ADSS2: variants seen among roughly 807,000 people sequenced by gnomAD.
ADSS2 encodes adenylosuccinate synthase 2.
Under a neutral mutation model 60.0 loss-of-function variants are expected in ADSS2, and 30 were observed. The ratio of observed to expected loss-of-function variants is 0.50; its 90% CI spans 0.37 to 0.68. ADSS2 has a LOEUF of 0.68. Among genes scored for constraint, ADSS2 ranks in the 30% least tolerant of loss-of-function variants. The pLI, the probability that ADSS2 is intolerant of heterozygous loss-of-function variation, is 0.00. For missense variants in ADSS2, 373 were observed against 554.8 expected (o/e 0.67, Z 3.29); for synonymous variants, 187 against 193.1 (o/e 0.97, Z 0.26).
Position 244,451,390 on chromosome 1 carries a change from C to T in ADSS2, c.183+245G>A, listed in dbSNP as rs920523057. ...CCAGGCATCGCGCATCTCTCAAAGG[C>T]TCCCCGCCAGCCCACCTCTTCCTCC... On this transcript the variant is annotated intron_variant, in intron 1 of 12. Coordinates refer to ENST00000366535, the MANE Select transcript of ADSS2 (RefSeq NM_001126.5). This position sits in a 1 kb window ranked among gnomAD's most constrained non-coding sequence, Gnocchi z 6.6. 6.6e-6 allele frequency among the ~76,000 whole-genome samples: 1 copy of T among 152,216 alleles called. No individual in the cohort carries two copies. Among genetic ancestry groups the T allele is most frequent in the Non-Finnish European group, 1.5e-5 (1 of 68,030 alleles).
rs770510850 is a variant in ADSS2, at chr1:244,451,614, T to C, written c.183+21A>G. 1.0e-5 allele frequency: 16 copies of C among 1,596,678 alleles called. No individual in the cohort carries two copies. The highest frequency in any genetic ancestry group is 2.3e-5 in the East Asian group (1 of 44,234). On this transcript the variant is annotated intron_variant, in intron 1 of 12. Coordinates refer to ENST00000366535, the MANE Select transcript of ADSS2 (RefSeq NM_001126.5). The surrounding 1 kb of genome is among the most constrained non-coding windows in gnomAD (Gnocchi z 6.6). ...CCGAGCTCCCGGGCCCGGCTTCCCATGAGAGGCCCCGTCGCCTCACCTGGC... is the reference window on the plus strand; with the variant it reads ...CCGAGCTCCCGGGCCCGGCTTCCCACGAGAGGCCCCGTCGCCTCACCTGGC...
At chr1:244,414,296 G>A (rs1333444819) in intron 11 of ADSS2, among the ~76,000 whole-genome samples, 1 of 152,014 alleles carries the variant, frequency 6.6e-6, no homozygotes, top group Non-Finnish European at 1.5e-5. Context: ...TAGACTAACA[G>A]AAAAAAAGTA....
In ADSS2 at chr1:244,447,792, T is replaced by A. The variant is rs146589122; in HGVS notation, c.183+3843A>T. On this transcript the variant is annotated intron_variant, in intron 1 of 12. Transcript: ENST00000366535. ...CAGTCAATTAAATTGTCCAGAGAGA[T>A]GTTAAAACAATTACAAGAAAGGGTT... 1.7e-3 allele frequency among the ~76,000 whole-genome samples: 262 copies of A among 152,288 alleles called. 1 individual carries two copies. The highest frequency in any genetic ancestry group is 5.3e-3 in the African/African-American group (222 of 41,560).
At chr1:244,427,328 CA>C (rs1438248748) in intron 4 of ADSS2, among the ~76,000 whole-genome samples, 1 of 151,942 alleles carries the variant, frequency 6.6e-6, no homozygotes, top group Admixed American at 6.6e-5. Context: ...GAGCAACTAC[CA>C]AAATTCATAA....
In ADSS2 at chr1:244,451,412, C is replaced by T. The variant is rs1665591649; in HGVS notation, c.183+223G>A. ...AGGCTCCCCGCCAGCCCACCTCTTC[C>T]TCCAGGGCCACCCCAAGTTTCACCC... On this transcript the variant is annotated intron_variant, in intron 1 of 12. Transcript: ENST00000366535. The surrounding 1 kb of genome is among the most constrained non-coding windows in gnomAD (Gnocchi z 6.6). 6.6e-6 allele frequency among the ~76,000 whole-genome samples: 1 copy of T among 152,208 alleles called. No individual in the cohort carries two copies. The highest frequency in any genetic ancestry group is 1.5e-5 in the Non-Finnish European group (1 of 68,036).
At chr1:244,448,746 G>C (rs918524684) in intron 1 of ADSS2, among the ~76,000 whole-genome samples, 4 of 152,144 alleles carry the variant, frequency 2.6e-5, no homozygotes, top group Non-Finnish European at 4.4e-5. Flanking sequence ...TGCCAGAAAG[G>C]GACTTTCTTG....
In ADSS2 at chr1:244,412,294, G is replaced by A. The variant is rs1420293134; in HGVS notation, c.1169-858C>T. Among the ~76,000 whole-genome samples the A allele has an allele frequency of 5.3e-5, 8 of 152,200 alleles. No homozygotes were observed. In the South Asian group the frequency reaches 1.4e-3, roughly 28 times the overall value. ...CTCCCACTCCCTCACAGATGTTGTT[G>A]CTCAGTGCACTTATGAGCTAACCCG... On this transcript the variant is annotated intron_variant, in intron 11 of 12. Coordinates refer to ENST00000366535, the MANE Select transcript of ADSS2 (RefSeq NM_001126.5).
In ADSS2 at chr1:244,416,131, A is replaced by G. The variant is rs1181949644; in HGVS notation, c.1071-53T>C. ...AAAGAGCAGACTCTTAAAGCCTCTA[A>G]TATCTAATTTGATTAATGCAGGAGT... On this transcript the variant is annotated intron_variant, in intron 10 of 12. Transcript: ENST00000366535. 5.6e-6 allele frequency: 7 copies of G among 1,251,106 alleles called. No homozygotes were observed. In the East Asian group the frequency reaches 1.2e-4, roughly 21 times the overall value. 77.5% of individuals were successfully genotyped at this position (1,251,106 alleles called of 1,614,324 possible).
chr1:244,435,988 G>A (rs1665091472), intron 3 of ADSS2, among the ~76,000 whole-genome samples: 1 of 152,168 alleles, frequency 6.6e-6, no homozygotes, highest in Admixed American at 6.5e-5. Context: ...CCCTCTGTGG[G>A]AACGCTGGTG....
chr1:244,424,701 G>A (rs1350953719), intron 4 of ADSS2: 2 of 233,426 alleles, frequency 8.6e-6, no homozygotes, highest in South Asian at 5.6e-5. Context: ...TTTTCTTCAA[G>A]TTCTGGACTC....
At chr1:244,422,250 C>A (rs1323740207) in intron 7 of ADSS2, among the ~76,000 whole-genome samples, 1 of 152,150 alleles carries the variant, frequency 6.6e-6, no homozygotes, top group Admixed American at 6.5e-5. Flanking sequence ...TCACAGGAAA[C>A]AGTTTGAAGT....
chr1:244,438,486 T>G (rs1452052486), intron 1 of ADSS2, among the ~76,000 whole-genome samples: 2 of 152,128 alleles, frequency 1.3e-5, no homozygotes, highest in Non-Finnish European at 2.9e-5. Context: ...AAAAGTCAAA[T>G]TACAAAAAGT....
chr1:244,450,509 T>C (rs1191067946), intron 1 of ADSS2, among the ~76,000 whole-genome samples: 2 of 152,212 alleles, frequency 1.3e-5, no homozygotes, highest in Non-Finnish European at 2.9e-5. Context: ...ATGCTCAAAA[T>C]GGTATTCAAG....
intron 11 of ADSS2, among the ~76,000 whole-genome samples, chr1:244,413,298 T>C (rs917339308): frequency 2.0e-5 from 3 of 152,196 alleles, no homozygotes; most frequent in African/African-American, 7.2e-5. Context: ...ATGCCGGAAC[T>C]GCTGTTGTAG....
At chr1:244,440,310 C>T (rs921065210) in intron 1 of ADSS2, among the ~76,000 whole-genome samples, 5 of 152,056 alleles carry the variant, frequency 3.3e-5, no homozygotes, top group Admixed American at 6.5e-5. Flanking sequence ...TATGAGGTCA[C>T]AAAAATGCTA....
chr1:244,441,680 G>C (rs1044905320), intron 1 of ADSS2, among the ~76,000 whole-genome samples: 1 of 151,960 alleles, frequency 6.6e-6, no homozygotes, highest in Admixed American at 6.6e-5. Context: ...TTTTAGGCTG[G>C]GCACGGTGGC....
intron 6 of ADSS2, among the ~76,000 whole-genome samples, 177 bp from the exon 7 acceptor site, chr1:244,423,093 G>A (rs1664712101): frequency 1.3e-5 from 2 of 152,170 alleles, no homozygotes; most frequent in African/African-American, 2.4e-5. Context: ...ATATGAATAA[G>A]TAAGACATTC....
intron 2 of ADSS2, 66 bp downstream of exon 2, chr1:244,437,600 T>TA (rs1200967049): frequency 8.6e-7 from 1 of 1,163,488 alleles, no homozygotes; most frequent in Non-Finnish European, 1.3e-6. Context: ...GTTTTGACAA[T>TA]AAAAAATAAA....
chr1:244,442,713 G>T (rs1326325127), intron 1 of ADSS2, among the ~76,000 whole-genome samples: 1 of 152,160 alleles, frequency 6.6e-6, no homozygotes, highest in Non-Finnish European at 1.5e-5. Context: ...GTTTCTTGAT[G>T]AGGTAATCTA....
Sources: gnomAD v4.1 joint callset for allele counts (sites outside exome capture counted in the v4.1 genomes callset) on GRCh38, gnomAD v4.1.1 for gene constraint, Gnocchi (gnomAD v3.1) non-coding constraint, MANE v1.5 for transcripts, NCBI Gene and HGNC (gene_info 2026-07-23, HGNC 2026-07-21) for gene names.